The following MAP2K6 variants were observed in gnomAD, a reference collection of about 807,000 sequenced individuals.
MAP2K6 encodes the protein mitogen-activated protein kinase kinase 6, also known as dual specificity mitogen-activated protein kinase kinase 6.
Under a neutral mutation model 53.7 loss-of-function variants are expected in MAP2K6, and 16 were observed. The ratio of observed to expected loss-of-function variants is 0.30; its 90% confidence interval spans 0.20 to 0.45. The LOEUF (loss-of-function observed/expected upper bound fraction) is 0.45, where lower values mean the gene tolerates loss of function less well. MAP2K6 is among the 20% of genes least tolerant of loss of function. The pLI is 1.00. For synonymous variants in MAP2K6, 132 were observed against 143.1 expected (o/e 0.92, Z 0.55); for missense variants, 204 against 411.9 (o/e 0.50, Z 4.37).
chr17:69,504,156 A>T (rs373918847), intron 1 of MAP2K6, among the ~76,000 whole-genome samples: 2,037 of 103,120 alleles, frequency 0.02, 52 homozygotes, highest in African/African-American at 0.06. Context: ...AGGTTATTTT[A>T]ATTGGTTTAA....
chr17:69,512,474 G>A (rs1243154979), intron 2 of MAP2K6, among the ~76,000 whole-genome samples: 2 of 151,172 alleles, frequency 1.3e-5, no homozygotes, highest in African/African-American at 4.9e-5. Flanking sequence ...CAAGTAGCTG[G>A]GACTACAGGC....
intron 1 of MAP2K6, among the ~76,000 whole-genome samples, chr17:69,481,006 A>G (rs1908332974): frequency 6.6e-6 from 1 of 152,202 alleles, no homozygotes; most frequent in Non-Finnish European, 1.5e-5. Context: ...AAACACAACA[A>G]CATAGAATTA....
intron 1 of MAP2K6, among the ~76,000 whole-genome samples, chr17:69,478,985 G>C (rs1908255803): frequency 6.6e-6 from 1 of 152,118 alleles, no homozygotes. Flanking sequence ...GACAGGTTTT[G>C]AGCTTAGATG....
intron 3 of MAP2K6, 141 bp downstream of exon 3, chr17:69,517,044 G>A: frequency 1.5e-6 from 1 of 650,504 alleles, no homozygotes; most frequent in Non-Finnish European, 2.7e-6. Flanking sequence ...GGTATGCAAA[G>A]TTTTTGCTAT....
chr17:69,515,626 T>C (rs902287054), intron 2 of MAP2K6, among the ~76,000 whole-genome samples: 11 of 152,186 alleles, frequency 7.2e-5, no homozygotes, highest in Non-Finnish European at 1.6e-4. Flanking sequence ...GAAGTGACTA[T>C]AGAAACAAAA....
chr17:69,488,661 G>A (rs1025997136), intron 1 of MAP2K6, among the ~76,000 whole-genome samples: 5 of 152,136 alleles, frequency 3.3e-5, no homozygotes, highest in African/African-American at 7.2e-5. Context: ...ACAGAAAAGC[G>A]AGTACTGCAT....
At chr17:69,506,314 A>G (rs1909467457) in intron 2 of MAP2K6, among the ~76,000 whole-genome samples, 1 of 151,410 alleles carries the variant, frequency 6.6e-6, no homozygotes, top group Non-Finnish European at 1.5e-5. Flanking sequence ...TTTTTTTATT[A>G]GCTGAGGTTT....
chr17:69,523,335 C>A (rs932740216), intron 7 of MAP2K6, among the ~76,000 whole-genome samples, 179 bp from the exon 8 acceptor site: 1 of 152,140 alleles, frequency 6.6e-6, no homozygotes, highest in Non-Finnish European at 1.5e-5. Context: ...AATAGAAAAT[C>A]AAGTTGAAAG....
intron 10 of MAP2K6, among the ~76,000 whole-genome samples, chr17:69,532,751 C>T (rs933570387): frequency 1.3e-5 from 2 of 152,086 alleles, no homozygotes; most frequent in Non-Finnish European, 2.9e-5. Context: ...TATTTTCCAT[C>T]TATATTCTGC....
intron 1 of MAP2K6, among the ~76,000 whole-genome samples, chr17:69,462,593 G>A (rs1341268026): frequency 2.0e-5 from 3 of 152,064 alleles, no homozygotes; most frequent in African/African-American, 7.2e-5. Flanking sequence ...ATAGGCCATG[G>A]ATATTTTTGC....
At chr17:69,500,997 A>G (rs1909149616) in intron 1 of MAP2K6, among the ~76,000 whole-genome samples, 1 of 152,130 alleles carries the variant, frequency 6.6e-6, no homozygotes, top group East Asian at 1.9e-4. Context: ...GATGATTGCA[A>G]TTTAATAACA....
chr17:69,495,788 C>T, intron 1 of MAP2K6, among the ~76,000 whole-genome samples: 1 of 151,986 alleles, frequency 6.6e-6, no homozygotes, highest in East Asian at 1.9e-4. Context: ...TTTTGAAAAG[C>T]TCGAGCACGC....
At chr17:69,501,151 T>C (rs1258915755) in intron 1 of MAP2K6, among the ~76,000 whole-genome samples, 1 of 152,198 alleles carries the variant, frequency 6.6e-6, no homozygotes, top group East Asian at 1.9e-4. Flanking sequence ...AAACAGATTT[T>C]TAAAATAAAT....
chr17:69,488,502 A>C (rs1908629536), intron 1 of MAP2K6, among the ~76,000 whole-genome samples: 1 of 152,234 alleles, frequency 6.6e-6, no homozygotes, highest in Admixed American at 6.5e-5. Context: ...TCACAGTAGT[A>C]AAGACATGGA....
chr17:69,493,715 C>T (rs969474357), intron 1 of MAP2K6, among the ~76,000 whole-genome samples: 2 of 151,676 alleles, frequency 1.3e-5, no homozygotes, highest in African/African-American at 4.8e-5. Flanking sequence ...GAGCTGAGAT[C>T]GTGCCATTGC....
chr17:69,497,565 C>T (rs1215762913), intron 1 of MAP2K6, among the ~76,000 whole-genome samples: 1 of 151,020 alleles, frequency 6.6e-6, no homozygotes, highest in African/African-American at 2.4e-5. Context: ...TGATGTTCCT[C>T]TACTGAAAAA....
intron 1 of MAP2K6, among the ~76,000 whole-genome samples, chr17:69,493,504 T>A (rs573670291): frequency 1.3e-5 from 2 of 152,346 alleles, no homozygotes; most frequent in African/African-American, 4.8e-5. Flanking sequence ...CTCACGCCTG[T>A]AATCCCAGCA....
intron 10 of MAP2K6, 73 bp from the exon 11 acceptor site, chr17:69,536,042 A>C: frequency 2.1e-6 from 2 of 951,796 alleles, no homozygotes; most frequent in Non-Finnish European, 3.4e-6. Context: ...AGTGTTCTAC[A>C]GGTTCTGAAA....
chr17:69,489,239 A>AAAG (rs1555606253), intron 1 of MAP2K6, among the ~76,000 whole-genome samples: 1 of 150,248 alleles, frequency 6.7e-6, no homozygotes, highest in African/African-American at 2.5e-5. Flanking sequence ...AAAAAAAAAA[A>AAAG]GGAAAAAAGG....
Sources: allele counts gnomAD v4.1 joint callset (sites outside exome capture counted in the v4.1 genomes callset), GRCh38; gene constraint gnomAD v4.1.1; transcripts MANE v1.5; gene names NCBI Gene and HGNC (gene_info 2026-07-23, HGNC 2026-07-21).